The following GRK3 variants were observed in gnomAD, a reference collection of about 807,000 sequenced individuals.
GRK3 encodes G protein-coupled receptor kinase 3.
In GRK3, 54 loss-of-function variants were observed where a neutral mutation model predicts 95.7. The observed-to-expected ratio is 0.56, with a 90% confidence interval of 0.45 to 0.71. The LOEUF is 0.71. GRK3 is among the 30% of genes least tolerant of loss of function. The probability of loss-of-function intolerance (pLI) is 0.00; values close to 1 mark genes in which losing one functional copy is unlikely to be tolerated. For missense variants in GRK3, 649 were observed against 851.2 expected (o/e 0.76, Z 2.96); for synonymous variants, 281 against 290.8 (o/e 0.97, Z 0.34).
At chr22:25,567,085 T>A (rs558840695) in intron 1 of GRK3, among the ~76,000 whole-genome samples, 146 of 152,318 alleles carry the variant, frequency 9.6e-4, no homozygotes, top group Admixed American at 2.9e-3. Context: ...TGGTATTCTT[T>A]GGTAATGCTT....
chr22:25,721,441 T>C, intron 20 of GRK3, 44 bp downstream of exon 20: 1 of 1,149,722 alleles, frequency 8.7e-7, no homozygotes, highest in Non-Finnish European at 1.3e-6. Context: ...AATAATTAAA[T>C]ATTCAGCAAA....
At chr22:25,610,051 C>A (rs1013230071) in intron 2 of GRK3, among the ~76,000 whole-genome samples, 1 of 151,774 alleles carries the variant, frequency 6.6e-6, no homozygotes, top group Admixed American at 6.6e-5. Context: ...CAGGGTTTCA[C>A]CATGTTGGCC....
chr22:25,596,689 T>G (rs774474189), intron 1 of GRK3, among the ~76,000 whole-genome samples: 4 of 152,196 alleles, frequency 2.6e-5, no homozygotes, highest in Non-Finnish European at 4.4e-5. Context: ...GTAACTTGTT[T>G]GAAAAATAAA....
Position 25,722,554 on chromosome 22 carries a change from C to CGGGAGCCTGG in GRK3, c.*104_*105insGGGAGCCTGG. 7.9e-7 allele frequency: 1 copy of CGGGAGCCTGG among 1,272,100 alleles called. No homozygotes were observed. Among genetic ancestry groups the CGGGAGCCTGG allele is most frequent in the Non-Finnish European group, 1.1e-6 (1 of 919,104 alleles). 78.8% of individuals were successfully genotyped at this position (1,272,100 alleles called of 1,614,324 possible). On this transcript the variant is annotated 3_prime_UTR_variant, in exon 21 of 21. Transcript: ENST00000324198. ...GATCTATTCGCTACCGGGACTCCTC[C>CGGGAGCCTGG]AGGCTCCCGAGAGGAGTCGGGACCC... is the stretch of plus-strand genomic sequence containing the variant.
chr22:25,627,308 T>G (rs1225130245), intron 2 of GRK3, among the ~76,000 whole-genome samples: 1 of 152,230 alleles, frequency 6.6e-6, no homozygotes, highest in Admixed American at 6.5e-5. Flanking sequence ...TGATAAATAT[T>G]AAGTATTGGA....
rs1056854563 is a variant in GRK3 at position 25,718,277 on chromosome 22, G to A, written c.1687G>A (p.Gly563Arg). The stretch of plus-strand genomic sequence containing the variant: ...TCTGGGGAAGGACTGTATTATGCAC[G>A]GGTACATGCTGAAACTGGGAAACCC... ...YALGKDCIMH[G>R]YMLKLGNPFL... The change falls in exon 19 of 21, where the codon GGG (glycine) becomes AGG (arginine). Residue 563 changes from glycine to arginine, a missense_variant. By Grantham distance (125) the Gly-to-Arg change is moderately radical. Coordinates refer to ENST00000324198, the MANE Select transcript of GRK3 (RefSeq NM_005160.4). 14 of 1,613,888 alleles carry A rather than the reference G, an allele frequency of 8.7e-6. No individual in the cohort carries two copies. Among genetic ancestry groups the A allele is most frequent in the East Asian group, 2.2e-5 (1 of 44,886 alleles).
intron 1 of GRK3, among the ~76,000 whole-genome samples, chr22:25,572,127 GT>G (rs1258382232): frequency 6.6e-6 from 1 of 151,504 alleles, no homozygotes; most frequent in Non-Finnish European, 1.5e-5. Flanking sequence ...CTGTTCCTGT[GT>G]TAGTTTGCTC....
At position 25,604,551 on chromosome 22, in the gene GRK3, C is replaced by T. The variant is rs2084431244; in HGVS notation, c.190+98C>T. 8.8e-6 allele frequency: 6 copies of T among 681,400 alleles called. No individual in the cohort carries two copies. The East Asian group carries it at 1.4e-4, about 16-fold the overall frequency. 42.2% of individuals were successfully genotyped at this position (681,400 alleles called of 1,614,324 possible). ...AATGCACCCCCTAGTGCTTTATATC[C>T]TCTATAGCTGTGGCTGGGAATAAAG... On this transcript the variant is annotated intron_variant, in intron 2 of 20. Coordinates refer to ENST00000324198, the MANE Select transcript of GRK3 (RefSeq NM_005160.4).
At chr22:25,686,623 C>G (rs2085116630) in intron 10 of GRK3, among the ~76,000 whole-genome samples, 1 of 152,150 alleles carries the variant, frequency 6.6e-6, no homozygotes. Flanking sequence ...TAAAATCATT[C>G]CCTTACCCTG....
chr22:25,645,999 C>T (rs1215227377), intron 3 of GRK3, among the ~76,000 whole-genome samples: 1 of 152,050 alleles, frequency 6.6e-6, no homozygotes, highest in East Asian at 1.9e-4. Context: ...AGCGCCATCC[C>T]TCATTGGATG....
At chr22:25,622,611 A>G (rs1327173146) in intron 2 of GRK3, among the ~76,000 whole-genome samples, 2 of 152,142 alleles carry the variant, frequency 1.3e-5, no homozygotes, top group East Asian at 1.9e-4. Context: ...TGTGATGGGA[A>G]GCTCTGGTGG....
At chr22:25,685,657 G>A (rs919537924) in intron 10 of GRK3, among the ~76,000 whole-genome samples, 6 of 152,162 alleles carry the variant, frequency 3.9e-5, no homozygotes, top group Non-Finnish European at 7.3e-5. Context: ...TTTGGGCCAA[G>A]TACAGATTTT....
At chr22:25,614,485 G>C (rs397832894) in intron 2 of GRK3, among the ~76,000 whole-genome samples, 1 of 152,142 alleles carries the variant, frequency 6.6e-6, no homozygotes, top group African/African-American at 2.4e-5. Flanking sequence ...GCTCTTCTGA[G>C]TGTGTGATTG....
chr22:25,678,650 C>A (rs1211161135), intron 8 of GRK3, among the ~76,000 whole-genome samples, 166 bp from the exon 9 acceptor site: 1 of 152,194 alleles, frequency 6.6e-6, no homozygotes, highest in Non-Finnish European at 1.5e-5. Flanking sequence ...TTTGTTTTCA[C>A]AATACATGCA....
intron 1 of GRK3, 77 bp from the exon 2 acceptor site, chr22:25,604,300 C>A: frequency 9.5e-7 from 1 of 1,052,634 alleles, no homozygotes; most frequent in East Asian, 2.5e-5. Flanking sequence ...TCAAGACATC[C>A]GTATCTCTTC....
At chr22:25,576,863 C>G (rs938819994) in intron 1 of GRK3, among the ~76,000 whole-genome samples, 1 of 152,168 alleles carries the variant, frequency 6.6e-6, no homozygotes, top group African/African-American at 2.4e-5. Context: ...CTGCAGGGGT[C>G]TGAGGAAGTG....
intron 3 of GRK3, 30 bp downstream of exon 3, chr22:25,644,695 TCTTTC>T: frequency 4.3e-6 from 5 of 1,169,040 alleles, no homozygotes; most frequent in Non-Finnish European, 5.0e-6. Flanking sequence ...CTGATGCTTT[TCTTTC>T]AAAAGCATAT....
At chr22:25,630,396 C>T (rs1218247660) in intron 2 of GRK3, among the ~76,000 whole-genome samples, 3 of 152,122 alleles carry the variant, frequency 2.0e-5, no homozygotes, top group Non-Finnish European at 4.4e-5. Context: ...TTAAATCTCT[C>T]TTATTTTAAC....
intron 1 of GRK3, among the ~76,000 whole-genome samples, chr22:25,571,725 A>G (rs931766877): frequency 6.6e-6 from 1 of 152,186 alleles, no homozygotes; most frequent in Non-Finnish European, 1.5e-5. Context: ...TGGCTGGAAC[A>G]GAGAAGAGCA....
Sources: gnomAD v4.1 joint callset for allele counts (sites outside exome capture counted in the v4.1 genomes callset) on GRCh38, gnomAD v4.1.1 for gene constraint, MANE v1.5 for transcripts, NCBI Gene and HGNC (gene_info 2026-07-23, HGNC 2026-07-21) for gene names.